The following PRKG1 variants were observed in gnomAD, a reference collection of about 807,000 sequenced individuals.
PRKG1 encodes the protein protein kinase cGMP-dependent 1, also known as cGMP-dependent protein kinase 1.
In PRKG1, 35 loss-of-function variants were observed where a neutral mutation model predicts 88.1. The ratio of observed to expected loss-of-function variants is 0.40; its 90% confidence interval spans 0.30 to 0.53. PRKG1 has a LOEUF of 0.53. PRKG1 is among the 20% of genes least tolerant of loss of function. The pLI is 0.59. For missense variants in PRKG1, 540 were observed against 839.8 expected (o/e 0.64, Z 4.41); for synonymous variants, 303 against 292.5 (o/e 1.04, Z -0.37).
intron 4 of PRKG1, among the ~76,000 whole-genome samples, chr10:51,809,881 T>C (rs1839408253): frequency 6.6e-6 from 1 of 152,150 alleles, no homozygotes; most frequent in Admixed American, 6.5e-5. Context: ...TCCAGACTCA[T>C]CTCACTCTCC....
At chr10:51,616,138 G>A (rs1839046900) in intron 3 of PRKG1, among the ~76,000 whole-genome samples, 1 of 152,200 alleles carries the variant, frequency 6.6e-6, no homozygotes, top group Admixed American at 6.5e-5. Context: ...TGGAGGCTGT[G>A]GTAAGGTTTT....
At chr10:52,054,207 C>T (rs2133253887) in intron 5 of PRKG1, among the ~76,000 whole-genome samples, 1 of 152,268 alleles carries the variant, frequency 6.6e-6, no homozygotes, top group South Asian at 2.1e-4. Flanking sequence ...CAGCATGGCA[C>T]ATGCATACAT....
chr10:51,712,495 A>G (rs772252751), intron 3 of PRKG1, among the ~76,000 whole-genome samples: 48 of 149,988 alleles, frequency 3.2e-4, no homozygotes, highest in Non-Finnish European at 6.1e-4. Context: ...TTGCAACACT[A>G]TTTGGAAAAT....
rs1433048297 is a variant in PRKG1, at chr10:51,205,127, C to CTTTCTTTTTTTTTTTTTTTT, written c.478+51800_478+51801insCTTTTTTTTTTTTTTTTTTT. On this transcript the variant is annotated intron_variant, in intron 2 of 17. Coordinates refer to ENST00000373980, the MANE Select transcript of PRKG1 (RefSeq NM_006258.4). ...TAAGGAAGAATTTTCATTTTCTTTT[C>CTTTCTTTTTTTTTTTTTTTT]TTTTTTTTTTTTTTTTTTTTTTTTT... Among the ~76,000 whole-genome samples, 444 of 64,022 alleles carry CTTTCTTTTTTTTTTTTTTTT rather than the reference C, an allele frequency of 6.9e-3. 126 individuals carry two copies. Among genetic ancestry groups the CTTTCTTTTTTTTTTTTTTTT allele is most frequent in the African/African-American group, 8.1e-3 (140 of 17,282 alleles). The allele number at this position is 64,022 out of a possible 152,430, so 42.0% of individuals were successfully genotyped here.
chr10:51,225,566 A>G (rs143593100), intron 2 of PRKG1, among the ~76,000 whole-genome samples: 4,234 of 152,112 alleles, frequency 0.028, 83 homozygotes, highest in African/African-American at 0.049. Flanking sequence ...TTCCTTTTTA[A>G]TCTTTTGTTT....
At chr10:51,368,477 T>C (rs1297605524) in intron 2 of PRKG1, among the ~76,000 whole-genome samples, 3 of 151,910 alleles carry the variant, frequency 2.0e-5, no homozygotes, top group African/African-American at 7.3e-5. Flanking sequence ...GGTCATGGTC[T>C]ATAGTCTTGT....
At chr10:52,173,337 C>T (rs571748650) in intron 9 of PRKG1, among the ~76,000 whole-genome samples, 49 of 152,180 alleles carry the variant, frequency 3.2e-4, no homozygotes, top group African/African-American at 1.2e-3. Flanking sequence ...AATTTTCTTT[C>T]GAATATGGCA....
intron 4 of PRKG1, among the ~76,000 whole-genome samples, chr10:51,873,974 C>A (rs1371690528): frequency 6.6e-6 from 1 of 152,140 alleles, no homozygotes; most frequent in South Asian, 2.1e-4. Context: ...AAATTTACCA[C>A]CATTTTGAAG....
chr10:51,113,244 C>A (rs1845021447), intron 1 of PRKG1, among the ~76,000 whole-genome samples: 1 of 152,220 alleles, frequency 6.6e-6, no homozygotes, highest in African/African-American at 2.4e-5. Context: ...CTGAAAGATG[C>A]ACAGCTAGTC....
chr10:51,488,104 A>G (rs112877414), intron 3 of PRKG1, among the ~76,000 whole-genome samples: 1 of 152,192 alleles, frequency 6.6e-6, no homozygotes. Flanking sequence ...TTCAAATTCT[A>G]TATGACATGT....
chr10:52,137,516 A>G (rs996934466), intron 8 of PRKG1, among the ~76,000 whole-genome samples: 1 of 152,028 alleles, frequency 6.6e-6, no homozygotes, highest in Non-Finnish European at 1.5e-5. Context: ...TCCACGGGGG[A>G]TTGGTTCAAG....
intron 2 of PRKG1, among the ~76,000 whole-genome samples, chr10:51,343,625 A>G (rs953570883): frequency 5.9e-5 from 9 of 152,198 alleles, no homozygotes; most frequent in African/African-American, 2.2e-4. Context: ...ATGTTTTAAT[A>G]AAATGAATAA....
intron 9 of PRKG1, among the ~76,000 whole-genome samples, chr10:52,221,715 T>G (rs759342891): frequency 2.6e-5 from 4 of 152,178 alleles, no homozygotes; most frequent in Non-Finnish European, 4.4e-5. Context: ...ACAAACAAGA[T>G]GATAAGTTGA....
intron 1 of PRKG1, among the ~76,000 whole-genome samples, chr10:51,123,992 T>A (rs1845334354): frequency 6.6e-6 from 1 of 152,054 alleles, no homozygotes; most frequent in Non-Finnish European, 1.5e-5. Flanking sequence ...ACAGCATTCA[T>A]GAGAAATCCA....
At chr10:51,086,923 G>A (rs1312675770) in intron 1 of PRKG1, among the ~76,000 whole-genome samples, 1 of 152,146 alleles carries the variant, frequency 6.6e-6, no homozygotes, top group Admixed American at 6.5e-5. Flanking sequence ...GATGGAAAAT[G>A]GCTCAAGTAT....
At chr10:51,660,989 G>A (rs2132330500) in intron 3 of PRKG1, among the ~76,000 whole-genome samples, 1 of 151,856 alleles carries the variant, frequency 6.6e-6, no homozygotes, top group Non-Finnish European at 1.5e-5. Flanking sequence ...TCACATATTA[G>A]AATCCAAATG....
rs994093810 is a variant in PRKG1 at position 52,036,558 on chromosome 10, C to G, written c.763-17926C>G. Among the ~76,000 whole-genome samples the G allele has an allele frequency of 4.2e-3, 586 of 138,220 alleles. 2 individuals are homozygous for G. The highest frequency in any genetic ancestry group is 6.3e-3 in the Non-Finnish European group (401 of 63,264). 90.7% of individuals were successfully genotyped at this position (138,220 alleles called of 152,430 possible). A position where few individuals can be genotyped will look rare whatever the true frequency, so the allele number is the denominator to read the frequency against. Reference sequence around the variant, plus strand: ...TGATTAGGTTTTAATGAGATGGTAACGGGTGCATGATTGGTCGCCAAGGAG... The same window carrying G: ...TGATTAGGTTTTAATGAGATGGTAAGGGGTGCATGATTGGTCGCCAAGGAG... On this transcript the variant is annotated intron_variant, in intron 5 of 17. Transcript: ENST00000373980.
At chr10:52,086,953 C>T (rs1846931110) in intron 7 of PRKG1, among the ~76,000 whole-genome samples, 1 of 152,108 alleles carries the variant, frequency 6.6e-6, no homozygotes, top group South Asian at 2.1e-4. Flanking sequence ...GGGAGAAAAG[C>T]CCCTTATGAA....
chr10:51,653,818 T>C (rs1293199923), intron 3 of PRKG1, among the ~76,000 whole-genome samples: 1 of 152,222 alleles, frequency 6.6e-6, no homozygotes, highest in Non-Finnish European at 1.5e-5. Context: ...TCCACCTGCC[T>C]TGGCATCCGA....
Sources: allele counts gnomAD v4.1 joint callset (sites outside exome capture counted in the v4.1 genomes callset), GRCh38; gene constraint gnomAD v4.1.1; transcripts MANE v1.5; gene names NCBI Gene and HGNC (gene_info 2026-07-23, HGNC 2026-07-21).